The following KCTD8 variants were observed in gnomAD, a reference collection of about 807,000 sequenced individuals.
KCTD8 encodes BTB/POZ domain-containing protein KCTD8.
Under a neutral mutation model 31.5 loss-of-function variants are expected in KCTD8, and 27 were observed. That is an observed-to-expected ratio of 0.86 (90% confidence interval 0.63 to 1.18). The LOEUF (loss-of-function observed/expected upper bound fraction) is 1.18, where lower values mean the gene tolerates loss of function less well. KCTD8 is among the 50% of genes most tolerant of loss of function. The pLI is 0.00. For synonymous variants in KCTD8, 290 were observed against 280.0 expected (o/e 1.04, Z -0.36); for missense variants, 658 against 647.7 (o/e 1.02, Z -0.17).
chr4:44,244,376 A>G (rs951515154), intron 1 of KCTD8, among the ~76,000 whole-genome samples: 1 of 152,108 alleles, frequency 6.6e-6, no homozygotes, highest in African/African-American at 2.4e-5. Flanking sequence ...TGCCATGCTG[A>G]GTACTTTGAA....
At chr4:44,292,737 C>T (rs746645456) in intron 1 of KCTD8, among the ~76,000 whole-genome samples, 14 of 152,128 alleles carry the variant, frequency 9.2e-5, no homozygotes, top group Non-Finnish European at 1.9e-4. Flanking sequence ...TAGGAAGTAT[C>T]AAGTAAGATT....
At chr4:44,363,840 A>C (rs1719563098) in intron 1 of KCTD8, among the ~76,000 whole-genome samples, 1 of 152,136 alleles carries the variant, frequency 6.6e-6, no homozygotes, top group Admixed American at 6.6e-5. Context: ...TTGTCCAACT[A>C]TGGACAAAAA....
At chr4:44,228,111 C>T (rs1388168725) in intron 1 of KCTD8, among the ~76,000 whole-genome samples, 1 of 152,164 alleles carries the variant, frequency 6.6e-6, no homozygotes, top group Non-Finnish European at 1.5e-5. Context: ...TCACTCTCCC[C>T]TTATCAGTTT....
chr4:44,268,329 G>C (rs1196144892), intron 1 of KCTD8, among the ~76,000 whole-genome samples: 3 of 151,974 alleles, frequency 2.0e-5, no homozygotes, highest in African/African-American at 7.2e-5. Flanking sequence ...AAAGGCCTTT[G>C]ACAAAATTCA....
At chr4:44,337,113 C>A (rs940055694) in intron 1 of KCTD8, among the ~76,000 whole-genome samples, 2 of 152,114 alleles carry the variant, frequency 1.3e-5, no homozygotes, top group African/African-American at 4.8e-5. Context: ...TTCAACCTAA[C>A]TAACAATCAA....
intron 1 of KCTD8, among the ~76,000 whole-genome samples, chr4:44,283,555 T>C (rs1302521374): frequency 6.6e-6 from 1 of 152,102 alleles, no homozygotes; most frequent in Non-Finnish European, 1.5e-5. Flanking sequence ...TAATAATTAT[T>C]CTAAGTCTAC....
intron 1 of KCTD8, among the ~76,000 whole-genome samples, chr4:44,226,839 T>C (rs964618080): frequency 6.6e-6 from 1 of 152,212 alleles, no homozygotes; most frequent in African/African-American, 2.4e-5. Context: ...AAATGTCTTC[T>C]TTTGAGAAGT....
At chr4:44,190,004 T>G (rs1388444610) in intron 1 of KCTD8, among the ~76,000 whole-genome samples, 2 of 152,152 alleles carry the variant, frequency 1.3e-5, no homozygotes, top group East Asian at 3.9e-4. Context: ...ACCTCAATCA[T>G]TTTCCTCACC....
At chr4:44,295,050 T>C (rs1399825102) in intron 1 of KCTD8, among the ~76,000 whole-genome samples, 1 of 152,088 alleles carries the variant, frequency 6.6e-6, no homozygotes, top group African/African-American at 2.4e-5. Flanking sequence ...CTCAGCACTT[T>C]GGGAGCCTGA....
At chr4:44,411,520 T>G (rs1720956388) in intron 1 of KCTD8, among the ~76,000 whole-genome samples, 2 of 152,070 alleles carry the variant, frequency 1.3e-5, no homozygotes, top group Non-Finnish European at 2.9e-5. Flanking sequence ...AAAATGAATG[T>G]ATGTTTTTTA....
intron 1 of KCTD8, among the ~76,000 whole-genome samples, chr4:44,285,846 T>C (rs914177328): frequency 4.6e-5 from 7 of 152,164 alleles, no homozygotes; most frequent in Non-Finnish European, 1.0e-4. Context: ...CCTCTGATGG[T>C]AAAGTAAACT....
intron 1 of KCTD8, among the ~76,000 whole-genome samples, chr4:44,441,678 G>A (rs1721814019): frequency 1.3e-5 from 2 of 152,142 alleles, no homozygotes; most frequent in Admixed American, 6.5e-5. Flanking sequence ...AACCAGGGAT[G>A]TTACTTAATG....
rs544108868 is a variant in KCTD8, at chr4:44,271,504, T to C, written c.962-96254A>G. ...TAGGCCCCCAAATCTGCCCATAAAC[T>C]GGTCCCAAAACTGGCCATAAACAAA... On this transcript the variant is annotated intron_variant, in intron 1 of 1. Coordinates refer to ENST00000360029, the MANE Select transcript of KCTD8 (RefSeq NM_198353.3). Among the ~76,000 whole-genome samples the C allele has an allele frequency of 1.3e-4, 20 of 152,178 alleles. No homozygotes were observed. In the South Asian group the frequency reaches 3.9e-3, roughly 30 times the overall value.
chr4:44,194,879 G>C (rs1391952852), intron 1 of KCTD8, among the ~76,000 whole-genome samples: 2 of 140,414 alleles, frequency 1.4e-5, no homozygotes, highest in Non-Finnish European at 3.1e-5. Context: ...TTTTTGGATG[G>C]AGTTTCATTC....
chr4:44,365,253 C>G (rs1719600865), intron 1 of KCTD8, among the ~76,000 whole-genome samples: 1 of 151,958 alleles, frequency 6.6e-6, no homozygotes, highest in Non-Finnish European at 1.5e-5. Flanking sequence ...TCTATTAATA[C>G]TTTTCAATAA....
At chr4:44,222,266 G>T (rs1714829474) in intron 1 of KCTD8, among the ~76,000 whole-genome samples, 1 of 151,988 alleles carries the variant, frequency 6.6e-6, no homozygotes, top group African/African-American at 2.4e-5. Context: ...AGTTGAGCCT[G>T]AAGTTGACAT....
At chr4:44,232,877 A>G (rs1715165474) in intron 1 of KCTD8, among the ~76,000 whole-genome samples, 1 of 152,056 alleles carries the variant, frequency 6.6e-6, no homozygotes, top group Non-Finnish European at 1.5e-5. Flanking sequence ...GTGGACATAA[A>G]TGATGAAACA....
At chr4:44,179,088 C>G (rs1279201630) in intron 1 of KCTD8, among the ~76,000 whole-genome samples, 1 of 152,018 alleles carries the variant, frequency 6.6e-6, no homozygotes, top group Non-Finnish European at 1.5e-5. Flanking sequence ...CTATAATTTT[C>G]TGGGAAGATG....
chr4:44,226,453 T>C (rs1179907470), intron 1 of KCTD8, among the ~76,000 whole-genome samples: 1 of 152,180 alleles, frequency 6.6e-6, no homozygotes, highest in African/African-American at 2.4e-5. Context: ...GATGGTCATT[T>C]GGGTTGGTTC....
Sources: gnomAD v4.1 joint callset for allele counts (sites outside exome capture counted in the v4.1 genomes callset) on GRCh38, gnomAD v4.1.1 for gene constraint, MANE v1.5 for transcripts, NCBI Gene and HGNC (gene_info 2026-07-23, HGNC 2026-07-21) for gene names.